Variants in TMEM94 observed in about 807,000 individuals in gnomAD.
The protein encoded by TMEM94 is ER Mg2+ ATPase.
A neutral mutation model predicts 158.6 loss-of-function variants in TMEM94; 81 were observed. The observed-to-expected ratio is 0.51, with a 90% CI of 0.43 to 0.61. The LOEUF is 0.61. TMEM94 is among the 20% of genes least tolerant of loss of function. The pLI is 0.00. For missense variants in TMEM94, 1,435 were observed against 1,762.0 expected, an observed-to-expected ratio of 0.81 and a Z score of 3.32; for synonymous variants, 751 against 730.7, an observed-to-expected ratio of 1.03 and a Z score of -0.45.
At chr17:75,486,777 G>A (rs796548302) in intron 5 of TMEM94, among the ~76,000 whole-genome samples, 32 of 152,330 alleles carry the variant, frequency 2.1e-4, no homozygotes, top group African/African-American at 7.2e-4. Flanking sequence ...GTACTGTGCT[G>A]GGAGACATGG....
rs201567807 is a variant in TMEM94, at chr17:75,493,692, C to G, written c.2190-7C>G. 5.6e-6 allele frequency: 9 copies of G among 1,614,010 alleles called. No homozygotes were observed. Among genetic ancestry groups the G allele is most frequent in the South Asian group, 1.1e-5 (1 of 91,082 alleles). ...ACTCACCTCACCTCCGCCTGCTTCC[C>G]TGGCAGAAAGAAAGTGCTGGACTTC... On this transcript the variant is annotated splice_polypyrimidine_tract_variant and splice_region_variant and intron_variant, in intron 17 of 31. Coordinates refer to ENST00000314256, the MANE Select transcript of TMEM94 (RefSeq NM_014738.6).
rs2051602729 is a variant in TMEM94, at chr17:75,486,299, G to A, written c.282G>A (p.Val94=). ...TCTTTCCTCCCACCAGCCGTGGGGT[G>A]GGGCTGGTGAATGCCTCGGCCTTGT... The part of the protein sequence containing the change: ...CGGQPAGSRG[V]GLVNASALFL... Residue 94 remains valine, a synonymous_variant, in exon 5 of 32, where the codon GTG becomes GTA. Coordinates refer to ENST00000314256, the MANE Select transcript of TMEM94 (RefSeq NM_014738.6). The A allele has an allele frequency of 6.2e-7, 1 of 1,614,112 alleles. No homozygotes were observed. Among genetic ancestry groups the A allele is most frequent in the East Asian group, 2.2e-5 (1 of 44,888 alleles).
intron 1 of TMEM94, among the ~76,000 whole-genome samples, chr17:75,457,913 G>A (rs1188497891): frequency 6.6e-6 from 1 of 152,018 alleles, no homozygotes; most frequent in Non-Finnish European, 1.5e-5. Context: ...GCTCTTGCAG[G>A]GTGGCTCTGG....
intron 1 of TMEM94, among the ~76,000 whole-genome samples, chr17:75,461,488 AAAAAAGTATAAAAAAGAATTTTTTT>A (rs1306539531): frequency 4.6e-5 from 7 of 152,288 alleles, no homozygotes; most frequent in Middle Eastern, 6.8e-3. Context: ...TCAAGGGCAG[AAAAAAGTATAAAAAAGAATTTTTTT>A]AAAAAGTATA....
chr17:75,490,436 C>A, intron 10 of TMEM94, 86 bp downstream of exon 10: 1 of 1,466,148 alleles, frequency 6.8e-7, no homozygotes, highest in Non-Finnish European at 9.3e-7. Context: ...AGAAGTCCAG[C>A]CCCACCTTGG....
chr17:75,493,446 AG>A (rs1567965420), intron 16 of TMEM94, 44 bp from the exon 17 acceptor site: 4 of 1,581,810 alleles, frequency 2.5e-6, no homozygotes, highest in East Asian at 2.2e-5. Context: ...GGTCAGCGTG[AG>A]GGGGCTGGTT....
rs917864813 is a variant in TMEM94, at chr17:75,495,710, G to A, written c.2944+67G>A. 34 of 1,460,286 alleles carry A rather than the reference G, an allele frequency of 2.3e-5. 1 individual carries two copies. The highest frequency in any genetic ancestry group is 2.1e-4 in the African/African-American group (15 of 71,784). 90.5% of individuals were successfully genotyped at this position (1,460,286 alleles called of 1,614,324 possible). On this transcript the variant is annotated intron_variant, in intron 22 of 31. Coordinates refer to ENST00000314256, the MANE Select transcript of TMEM94 (RefSeq NM_014738.6). The surrounding 1 kb of genome is among the most constrained non-coding windows in gnomAD (Gnocchi z 5.6). ...TCGGCTGAGCTCTGCCTGGGCCTGC[G>A]TACCCCGTGGGCTCTGGAGGGATGT...
Position 75,488,128 on chromosome 17 carries a change from G to A in TMEM94, c.606G>A (p.Gly202=), listed in dbSNP as rs373164481. The A allele has an allele frequency of 3.7e-6, 6 of 1,614,040 alleles. No homozygotes were observed. Among genetic ancestry groups the A allele is most frequent in the South Asian group, 1.1e-5 (1 of 91,080 alleles). ...PGQESFASLR[G]IKDDEHIVLE... ...AGGAATCGTTTGCTTCTCTGAGGGG[G>A]ATCAAGGTAGCTTGAGGCTTTCCTT... is the stretch of plus-strand genomic sequence containing the variant. The change falls in exon 6 of 32, where the codon GGG becomes GGA. Residue 202 remains glycine (G), a synonymous_variant. Transcript: ENST00000314256.
chr17:75,468,360 G>A (rs955113681), intron 1 of TMEM94, among the ~76,000 whole-genome samples: 5 of 152,230 alleles, frequency 3.3e-5, no homozygotes, highest in South Asian at 2.1e-4. Flanking sequence ...TGCCTTTGCA[G>A]CGTTGGCAGA....
At chr17:75,488,643 C>G (rs529539648) in intron 6 of TMEM94, 116 bp from the exon 7 acceptor site, 7 of 1,259,850 alleles carry the variant, frequency 5.6e-6, no homozygotes, top group Non-Finnish European at 6.8e-6. Context: ...CCAGTGGACT[C>G]TGGGCTAACT....
intron 1 of TMEM94, among the ~76,000 whole-genome samples, chr17:75,467,822 G>A (rs1383905620): frequency 6.6e-6 from 1 of 152,072 alleles, no homozygotes; most frequent in Non-Finnish European, 1.5e-5. Flanking sequence ...GTGAGCCACC[G>A]CGCCCGGCCC....
chr17:75,468,423 G>T (rs1395443040), intron 1 of TMEM94, among the ~76,000 whole-genome samples: 1 of 152,220 alleles, frequency 6.6e-6, no homozygotes, highest in East Asian at 1.9e-4. Context: ...TCCCTGTGTG[G>T]CAACGATCTC....
rs375987891 is a variant in TMEM94 at position 75,498,905 on chromosome 17, C to T, written c.3828-7C>T. 7.1e-6 allele frequency: 11 copies of T among 1,540,044 alleles called. No homozygotes were observed. In the African/African-American group the frequency reaches 9.6e-5, roughly 13 times the overall value. On this transcript the variant is annotated splice_polypyrimidine_tract_variant and splice_region_variant and intron_variant, in intron 30 of 31. Coordinates refer to ENST00000314256, the MANE Select transcript of TMEM94 (RefSeq NM_014738.6). The surrounding 1 kb of genome is among the most constrained non-coding windows in gnomAD (Gnocchi z 6.7). ...TCGGGTTCACACGGGGCCGCCACCT[C>T]CTGCAGGCTGCTGGGTCAGGTGGTC...
rs1313177302 is a variant in TMEM94, at chr17:75,486,314, C to T, written c.297C>T (p.Ala99=). ...AGSRGVGLVN[A]SALFLLLLLN... ...GCCGTGGGGTGGGGCTGGTGAATGC[C>T]TCGGCCTTGTTCCTGTTACTGCTTC... Residue 99 remains alanine (A), a synonymous_variant, in exon 5 of 32, where the codon GCC becomes GCT. Coordinates refer to ENST00000314256, the MANE Select transcript of TMEM94 (RefSeq NM_014738.6). 6.2e-7 allele frequency: 1 copy of T among 1,614,068 alleles called. No individual in the cohort carries two copies. Among genetic ancestry groups the T allele is most frequent in the Non-Finnish European group, 8.5e-7 (1 of 1,180,014 alleles).
Position 75,489,595 on chromosome 17 carries a change from A to G in TMEM94, c.887A>G (p.Asn296Ser), listed in dbSNP as rs755361336. The G allele has an allele frequency of 3.7e-6, 6 of 1,613,836 alleles. No homozygotes were observed. In the Admixed American group the frequency reaches 5.0e-5, roughly 13 times the overall value. The change falls in exon 9 of 32, where the codon AAT (asparagine) becomes AGT (serine). Residue 296 changes from asparagine (N) to serine (S), a missense_variant. Coordinates refer to ENST00000314256, the MANE Select transcript of TMEM94 (RefSeq NM_014738.6). The surrounding 1 kb of genome is among the most constrained non-coding windows in gnomAD (Gnocchi z 5.0). ...PVVLAGFLIT[N>S]ALRFIFSAPG... ...CAACAGGCCGGCTTCCTCATCACCA[A>G]TGCCCTGCGCTTCATCTTCAGTGCC...
At chr17:75,470,862 T>G (rs1361079233) in intron 1 of TMEM94, among the ~76,000 whole-genome samples, 1 of 151,418 alleles carries the variant, frequency 6.6e-6, no homozygotes, top group Non-Finnish European at 1.5e-5. Context: ...GAGGTTGCAG[T>G]AAGCAAAGGT....
chr17:75,477,495 C>CG (rs1418086665), intron 2 of TMEM94, among the ~76,000 whole-genome samples: 1 of 152,030 alleles, frequency 6.6e-6, no homozygotes, highest in Non-Finnish European at 1.5e-5. Flanking sequence ...GCGATCCACC[C>CG]GCCTCGGCCT....
intron 1 of TMEM94, among the ~76,000 whole-genome samples, chr17:75,469,356 T>C (rs981349149): frequency 3.3e-5 from 5 of 151,480 alleles, no homozygotes; most frequent in African/African-American, 1.2e-4. Flanking sequence ...TTTTTTTTTT[T>C]TTTTTTTGAG....
chr17:75,486,494 C>G, intron 5 of TMEM94, 68 bp downstream of exon 5: 1 of 1,590,574 alleles, frequency 6.3e-7, no homozygotes, highest in Non-Finnish European at 8.6e-7. Context: ...GAGGGCTCCC[C>G]TCCTGCACCC....
Sources: allele counts gnomAD v4.1 joint callset (sites outside exome capture counted in the v4.1 genomes callset), GRCh38; gene constraint gnomAD v4.1.1; non-coding constraint Gnocchi (gnomAD v3.1); transcripts MANE v1.5; gene names NCBI Gene and HGNC (gene_info 2026-07-23, HGNC 2026-07-21).